The following KCNMB2 variants were observed in gnomAD, a reference collection of about 807,000 sequenced individuals.
KCNMB2 encodes potassium calcium-activated channel subfamily M regulatory beta subunit 2, also known as calcium-activated potassium channel subunit beta-2.
Under a neutral mutation model 24.5 loss-of-function variants are expected in KCNMB2, and 9 were observed. That is an observed-to-expected ratio of 0.37 (90% CI 0.22 to 0.64). KCNMB2 has a LOEUF of 0.64. Among genes scored for constraint, KCNMB2 ranks in the 30% least tolerant of loss-of-function variants. KCNMB2 has a pLI of 0.63. For synonymous variants in KCNMB2, 109 were observed against 104.4 expected, an observed-to-expected ratio of 1.04 and a Z score of -0.27; for missense variants, 226 against 284.3, an observed-to-expected ratio of 0.79 and a Z score of 1.47.
chr3:178,757,576 G>A (rs866303274), intron 1 of KCNMB2, among the ~76,000 whole-genome samples: 1 of 28,716 alleles, frequency 3.5e-5, no homozygotes, highest in African/African-American at 1.3e-4. Context: ...ATATATATAT[G>A]TATATATATC....
chr3:178,625,629 A>G (rs1719089809), intron 1 of KCNMB2, among the ~76,000 whole-genome samples: 1 of 152,196 alleles, frequency 6.6e-6, no homozygotes, highest in African/African-American at 2.4e-5. Context: ...AGAACAGTGG[A>G]AAATAGGGAA....
At chr3:178,795,692 G>A (rs1197048349) in intron 1 of KCNMB2, among the ~76,000 whole-genome samples, 2 of 152,188 alleles carry the variant, frequency 1.3e-5, no homozygotes, top group Non-Finnish European at 2.9e-5. Flanking sequence ...CCCAGTTAGG[G>A]AGGCAGATTT....
chr3:178,668,887 C>T (rs937920325), intron 1 of KCNMB2, among the ~76,000 whole-genome samples: 2 of 152,126 alleles, frequency 1.3e-5, no homozygotes, highest in African/African-American at 2.4e-5. Context: ...TAAAATGGCA[C>T]ATTTCTATGA....
chr3:178,609,686 G>C (rs1330097763), intron 1 of KCNMB2, among the ~76,000 whole-genome samples: 1 of 151,502 alleles, frequency 6.6e-6, no homozygotes, highest in Non-Finnish European at 1.5e-5. Context: ...ATCCAGCTTG[G>C]AGTGCAGTGG....
intron 1 of KCNMB2, among the ~76,000 whole-genome samples, chr3:178,778,471 C>CGT (rs1712685882): frequency 1.1e-5 from 1 of 89,342 alleles, no homozygotes; most frequent in Non-Finnish European, 2.4e-5. Flanking sequence ...CACACACACA[C>CGT]ACACACACAC....
intron 1 of KCNMB2, among the ~76,000 whole-genome samples, chr3:178,662,378 A>T (rs990216415): frequency 2.0e-5 from 3 of 152,196 alleles, no homozygotes; most frequent in Non-Finnish European, 4.4e-5. Flanking sequence ...AAGTTTTGAA[A>T]AACGATTTGA....
chr3:178,763,015 G>C (rs529993814), intron 1 of KCNMB2, among the ~76,000 whole-genome samples: 1 of 152,048 alleles, frequency 6.6e-6, no homozygotes, highest in East Asian at 1.9e-4. Context: ...TGGGAGTCTT[G>C]GAAGTCACTT....
At chr3:178,775,061 T>G (rs1452088601) in intron 1 of KCNMB2, among the ~76,000 whole-genome samples, 2 of 152,208 alleles carry the variant, frequency 1.3e-5, no homozygotes, top group East Asian at 3.8e-4. Context: ...CACATGATAT[T>G]AATATCCTAA....
intron 1 of KCNMB2, among the ~76,000 whole-genome samples, chr3:178,681,848 T>C (rs764603182): frequency 5.3e-5 from 8 of 152,162 alleles, no homozygotes; most frequent in Non-Finnish European, 1.2e-4. Context: ...CCACTAAATG[T>C]ACATTATTAT....
intron 1 of KCNMB2, among the ~76,000 whole-genome samples, chr3:178,606,714 G>T (rs1196374658): frequency 2.0e-5 from 3 of 151,988 alleles, no homozygotes; most frequent in African/African-American, 4.8e-5. Context: ...TTGAATGTTT[G>T]CATCCCCCCC....
At chr3:178,822,953 G>C (rs895950541) in intron 2 of KCNMB2, among the ~76,000 whole-genome samples, 1 of 152,162 alleles carries the variant, frequency 6.6e-6, no homozygotes. Context: ...AGGAAATTCA[G>C]ATCTCTATGG....
At chr3:178,761,406 ATAAATCTTTCTTAACAGATAT>A (rs1185729238) in intron 1 of KCNMB2, among the ~76,000 whole-genome samples, 1 of 152,218 alleles carries the variant, frequency 6.6e-6, no homozygotes, top group Non-Finnish European at 1.5e-5. Context: ...TCATTTCCCC[ATAAATCTTTCTTAACAGATAT>A]TATTTATCTG....
intron 1 of KCNMB2, among the ~76,000 whole-genome samples, chr3:178,565,148 C>T (rs1374356262): frequency 6.6e-6 from 1 of 152,066 alleles, no homozygotes; most frequent in African/African-American, 2.4e-5. Flanking sequence ...CTACATGCCA[C>T]GTGATTAACA....
intron 1 of KCNMB2, among the ~76,000 whole-genome samples, chr3:178,598,245 A>G (rs1341505774): frequency 1.3e-5 from 2 of 152,096 alleles, no homozygotes; most frequent in African/African-American, 2.4e-5. Context: ...TGGGATTTGT[A>G]GAGAACTCCA....
chr3:178,672,322 T>A (rs1720927446), intron 1 of KCNMB2, among the ~76,000 whole-genome samples: 1 of 152,096 alleles, frequency 6.6e-6, no homozygotes, highest in Non-Finnish European at 1.5e-5. Flanking sequence ...GACAAGGAAA[T>A]GGCCATAAGT....
intron 1 of KCNMB2, among the ~76,000 whole-genome samples, chr3:178,689,319 C>A (rs1263792057): frequency 6.6e-6 from 1 of 152,066 alleles, no homozygotes. Context: ...CCAGCTAGAA[C>A]CGCCTTGCAT....
At chr3:178,709,615 T>C (rs796773058) in intron 1 of KCNMB2, among the ~76,000 whole-genome samples, 4 of 152,304 alleles carry the variant, frequency 2.6e-5, no homozygotes, top group African/African-American at 9.6e-5. Context: ...AAAGTATAAA[T>C]TGCAGAATAT....
chr3:178,564,760 T>G (rs1716458095), intron 1 of KCNMB2, among the ~76,000 whole-genome samples: 1 of 152,220 alleles, frequency 6.6e-6, no homozygotes, highest in African/African-American at 2.4e-5. Context: ...CATCCAAATC[T>G]ATCAAAAACT....
At chr3:178,735,245 C>G (rs1242622923) in intron 1 of KCNMB2, among the ~76,000 whole-genome samples, 1 of 152,240 alleles carries the variant, frequency 6.6e-6, no homozygotes, top group African/African-American at 2.4e-5. Context: ...CTGCCACCCA[C>G]CAGCTGGTCA....
Sources: allele counts gnomAD v4.1 joint callset (sites outside exome capture counted in the v4.1 genomes callset), GRCh38; gene constraint gnomAD v4.1.1; transcripts MANE v1.5; gene names NCBI Gene and HGNC (gene_info 2026-07-23, HGNC 2026-07-21).